The following PAX3 variants were observed in gnomAD, a reference collection of about 807,000 sequenced individuals.
The protein encoded by PAX3 is paired box 3, also known as paired box protein Pax-3.
Under a neutral mutation model 51.6 loss-of-function variants are expected in PAX3, and 14 were observed. The observed-to-expected ratio is 0.27, with a 90% confidence interval of 0.18 to 0.42. The LOEUF (loss-of-function observed/expected upper bound fraction) is 0.42, where lower values mean the gene tolerates loss of function less well. Ranked by LOEUF, PAX3 falls within the 10% of genes least tolerant of loss-of-function variation. PAX3 has a pLI of 1.00. For missense variants in PAX3, 540 were observed against 642.8 expected (o/e 0.84, Z 1.73); for synonymous variants, 280 against 253.4 (o/e 1.11, Z -1.00).
Position 222,220,277 on chromosome 2 carries a change from A to G in PAX3, c.1036T>C (p.Ser346Pro), listed in dbSNP as rs778178524. ...PSTVHQSTIP[S>P]NPDSSSAYCL... ...TAGGCAGAGCTGCTGTCTGGGTTGG[A>G]AGGAATCGTGCTTTGGTGTACAGTG... Residue 346 changes from serine to proline, a missense_variant, in exon 7 of 9, where the codon TCC becomes CCC. Physicochemically the swap from Ser to Pro is moderately conservative, Grantham distance 74. Coordinates refer to ENST00000392070, the MANE Select transcript of PAX3 (RefSeq NM_181458.4). 2.7e-5 allele frequency: 44 copies of G among 1,613,950 alleles called. No individual in the cohort carries two copies. Among genetic ancestry groups the G allele is most frequent in the Non-Finnish European group, 3.7e-5 (44 of 1,179,972 alleles).
chr2:222,216,055 G>C (rs1207739622), intron 7 of PAX3, among the ~76,000 whole-genome samples: 2 of 152,138 alleles, frequency 1.3e-5, no homozygotes, highest in African/African-American at 4.8e-5. Context: ...GCCTTTGATA[G>C]AATGAAAAGC....
intron 5 of PAX3, among the ~76,000 whole-genome samples, chr2:222,229,327 T>C: frequency 6.6e-6 from 1 of 151,532 alleles, no homozygotes; most frequent in Admixed American, 6.6e-5. Context: ...ATTAAAATAT[T>C]TTTCTATTGA....
At chr2:222,298,349 G>T (rs1695417478) in intron 1 of PAX3, 182 bp downstream of exon 1, 3 of 612,940 alleles carry the variant, frequency 4.9e-6, no homozygotes, top group Admixed American at 2.7e-5. Context: ...AGAGCAGCGC[G>T]CTCCATTTGC....
intron 4 of PAX3, among the ~76,000 whole-genome samples, chr2:222,279,237 A>G (rs1443917775): frequency 6.6e-6 from 1 of 152,098 alleles, no homozygotes; most frequent in African/African-American, 2.4e-5. Context: ...TACAGGCATG[A>G]GCCACCACGC....
At chr2:222,287,306 T>C (rs1303706070) in intron 4 of PAX3, 1 of 152,268 alleles carries the variant, frequency 6.6e-6, no homozygotes, top group African/African-American at 2.4e-5. Context: ...TAACACCTTT[T>C]ATTCACCTAT....
intron 4 of PAX3, among the ~76,000 whole-genome samples, chr2:222,278,354 G>A (rs955847405): frequency 6.6e-6 from 1 of 152,092 alleles, no homozygotes; most frequent in Non-Finnish European, 1.5e-5. Context: ...CTCTAGAGGA[G>A]GGGAGTCTCA....
At chr2:222,290,910 G>GC (rs1438405854) in intron 4 of PAX3, among the ~76,000 whole-genome samples, 1 of 151,418 alleles carries the variant, frequency 6.6e-6, no homozygotes, top group African/African-American at 2.4e-5. Flanking sequence ...ACTAATGTGA[G>GC]CCTCAGGCAA....
At chr2:222,245,619 G>T (rs1426278287) in intron 4 of PAX3, among the ~76,000 whole-genome samples, 1 of 151,978 alleles carries the variant, frequency 6.6e-6, no homozygotes, top group East Asian at 1.9e-4. Flanking sequence ...GTGGGAGAGA[G>T]TAAAGGAGGG....
At position 222,225,060 on chromosome 2, in the gene PAX3, C is replaced by T. The variant is rs1036835882; in HGVS notation, c.793-3673G>A. On this transcript the variant is annotated intron_variant, in intron 5 of 8. Coordinates refer to ENST00000392070, the MANE Select transcript of PAX3 (RefSeq NM_181458.4). Reference sequence around the variant, plus strand: ...CCCCACACAAGATTACCTGGCCTTCCGCATCACACTTGGCATGTTAAGGAA... The same window carrying T: ...CCCCACACAAGATTACCTGGCCTTCTGCATCACACTTGGCATGTTAAGGAA... Among the ~76,000 whole-genome samples the T allele has an allele frequency of 1.1e-4, 16 of 152,266 alleles. No homozygotes were observed. In the South Asian group the frequency reaches 2.7e-3, roughly 26 times the overall value.
rs1691824854 is a variant in PAX3 at position 222,213,406 on chromosome 2, T to A, written c.1173+6734A>T. ...CCATGAGCAGAACATCTCGAAAACCTAATATGGCAGAATGGAAACCTCCAA... is the reference window on the plus strand; with the variant it reads ...CCATGAGCAGAACATCTCGAAAACCAAATATGGCAGAATGGAAACCTCCAA... On this transcript the variant is annotated intron_variant, in intron 7 of 8. Coordinates refer to ENST00000392070, the MANE Select transcript of PAX3 (RefSeq NM_181458.4). Among the ~76,000 whole-genome samples the A allele has an allele frequency of 3.9e-5, 6 of 152,252 alleles. No homozygotes were observed. In the South Asian group the frequency reaches 1.2e-3, roughly 32 times the overall value.
At chr2:222,229,084 C>T (rs923632320) in intron 5 of PAX3, among the ~76,000 whole-genome samples, 2 of 151,800 alleles carry the variant, frequency 1.3e-5, no homozygotes, top group Admixed American at 1.3e-4. Flanking sequence ...CAGGTAATTG[C>T]AGAACTATAA....
At chr2:222,235,182 C>A (rs1299502581) in intron 4 of PAX3, among the ~76,000 whole-genome samples, 1 of 152,186 alleles carries the variant, frequency 6.6e-6, no homozygotes, top group African/African-American at 2.4e-5. Context: ...TTTACAAGCA[C>A]CAGCGAGAAT....
At chr2:222,296,912 G>C in intron 2 of PAX3, 66 bp downstream of exon 2, 6 of 1,345,604 alleles carry the variant, frequency 4.5e-6, no homozygotes, top group Non-Finnish European at 5.2e-6. Flanking sequence ...GTTACCCCCC[G>C]CCCGGTCTTC....
rs186139781 is a variant in PAX3, at chr2:222,231,320, A to G, written c.792+758T>C. Among the ~76,000 whole-genome samples, 120 of 152,368 alleles carry G rather than the reference A, an allele frequency of 7.9e-4. 1 individual carries two copies. The East Asian group carries it at 0.02, about 25-fold the overall frequency. ...TCGAGGATACCCTACGATATCTGCC[A>G]TCTTTCAAACACTGTTTTACTAGCT... On this transcript the variant is annotated intron_variant, in intron 5 of 8. Coordinates refer to ENST00000392070, the MANE Select transcript of PAX3 (RefSeq NM_181458.4).
At position 222,260,591 on chromosome 2, in the gene PAX3, GTTTTTTTT is replaced by G. The variant is rs374339768; in HGVS notation, c.587-28316_587-28309del. Among the ~76,000 whole-genome samples the G allele has an allele frequency of 7.4e-3, 469 of 63,084 alleles. 4 individuals are homozygous for G. The highest frequency in any genetic ancestry group is 0.029 in the African/African-American group (438 of 14,918). 41.4% of individuals were successfully genotyped at this position (63,084 alleles called of 152,430 possible). On this transcript the variant is annotated intron_variant, in intron 4 of 8. Coordinates refer to ENST00000392070, the MANE Select transcript of PAX3 (RefSeq NM_181458.4). ...TTTTTTTTTTTTGTTTTTTTTTTTT[GTTTTTTTT>G]TTTTTTTTTTGAGGCAAAGTCTCTC... is the stretch of plus-strand genomic sequence containing the variant.
At position 222,298,694 on chromosome 2, in the gene PAX3, G is replaced by T; in HGVS notation, c.-79C>A. On this transcript the variant is annotated 5_prime_UTR_variant, in exon 1 of 9. Coordinates refer to ENST00000392070, the MANE Select transcript of PAX3 (RefSeq NM_181458.4). ...GCGAGTGCGGCGCGGATGACCCTCG[G>T]GAACTATCCGGAGCGTGGAGAGCCC... 7.4e-7 allele frequency: 1 copy of T among 1,353,740 alleles called. No homozygotes were observed. The highest frequency in any genetic ancestry group is 1.0e-6 in the Non-Finnish European group (1 of 969,176). 83.9% of individuals were successfully genotyped at this position (1,353,740 alleles called of 1,614,324 possible).
intron 7 of PAX3, among the ~76,000 whole-genome samples, chr2:222,212,858 T>C (rs190591462): frequency 6.6e-6 from 1 of 152,344 alleles, no homozygotes; most frequent in East Asian, 1.9e-4. Flanking sequence ...CCCCACATAA[T>C]ATCTAGCACG....
intron 8 of PAX3, chr2:222,201,690 C>G (rs2106033128): frequency 6.9e-7 from 1 of 1,445,462 alleles, no homozygotes; most frequent in East Asian, 2.5e-5. Context: ...TTTGGCCAAC[C>G]CTTGTGTTTT....
intron 4 of PAX3, among the ~76,000 whole-genome samples, chr2:222,237,120 T>A (rs1351308049): frequency 2.0e-5 from 3 of 152,070 alleles, no homozygotes; most frequent in African/African-American, 7.2e-5. Flanking sequence ...TTTCTCTCCC[T>A]TCCCCCCTAA....
Sources: allele counts gnomAD v4.1 joint callset (sites outside exome capture counted in the v4.1 genomes callset), GRCh38; gene constraint gnomAD v4.1.1; transcripts MANE v1.5; gene names NCBI Gene and HGNC (gene_info 2026-07-23, HGNC 2026-07-21).